TEX26: variants seen among roughly 807,000 people sequenced by gnomAD.
The protein encoded by TEX26 is testis-expressed protein 26.
In TEX26, 34 loss-of-function variants were observed where a neutral mutation model predicts 35.3. The ratio of observed to expected loss-of-function variants is 0.96; its 90% CI spans 0.73 to 1.28. The LOEUF (loss-of-function observed/expected upper bound fraction) is 1.28. TEX26 is among the 50% of genes most tolerant of loss of function. TEX26 has a pLI of 0.00. For synonymous variants in TEX26, 136 were observed against 111.8 expected (o/e 1.22, Z -1.36); for missense variants, 371 against 330.1 (o/e 1.12, Z -0.96).
chr13:30,932,674 G>C lies in TEX26; in HGVS notation c.-42G>C. The C allele has an allele frequency of 6.2e-7, 1 of 1,603,256 alleles. No individual in the cohort carries two copies. The highest frequency in any genetic ancestry group is 8.5e-7 in the Non-Finnish European group (1 of 1,175,514). On this transcript the variant is annotated 5_prime_UTR_variant, in exon 1 of 7. Transcript: ENST00000380473. ...AGCCCGCGGCTCCCGCAAGCGCTGA[G>C]ATAGCTGGAGCCAGGGCCCCGCGGC...
At chr13:30,963,686 A>C (rs563797515) in intron 4 of TEX26, among the ~76,000 whole-genome samples, 43 of 152,322 alleles carry the variant, frequency 2.8e-4, no homozygotes, top group African/African-American at 8.4e-4. Context: ...TATCACTGTG[A>C]TAAGTACTGA....
intron 6 of TEX26, chr13:30,973,335 C>T (rs1031053693): frequency 9.2e-5 from 14 of 152,132 alleles, no homozygotes; most frequent in African/African-American, 3.4e-4. Context: ...GAAAACTTAT[C>T]TTTGATGAAA....
chr13:30,964,500 C>T (rs750539812), intron 4 of TEX26, among the ~76,000 whole-genome samples: 22 of 152,170 alleles, frequency 1.4e-4, no homozygotes, highest in Middle Eastern at 3.2e-3. Flanking sequence ...GAACTGAAAA[C>T]ATTTACTATT....
intron 2 of TEX26, 27 bp from the exon 3 acceptor site, chr13:30,952,633 T>C: frequency 6.4e-7 from 1 of 1,553,790 alleles, no homozygotes. Context: ...AACCTCTAAC[T>C]CTAATTTCTG....
chr13:30,940,044 AAT>A (rs1203302350), intron 2 of TEX26, among the ~76,000 whole-genome samples: 5 of 152,176 alleles, frequency 3.3e-5, no homozygotes, highest in African/African-American at 1.2e-4. Context: ...CAGCAGACCC[AAT>A]ATATAGGTTA....
chr13:30,944,254 C>G (rs1290412899), intron 2 of TEX26, among the ~76,000 whole-genome samples: 1 of 151,816 alleles, frequency 6.6e-6, no homozygotes, highest in East Asian at 1.9e-4. Context: ...TTGAGGTGCT[C>G]ATAGTTGTCT....
At chr13:30,962,377 T>C in intron 4 of TEX26, among the ~76,000 whole-genome samples, 1 of 152,206 alleles carries the variant, frequency 6.6e-6, no homozygotes, top group East Asian at 1.9e-4. Flanking sequence ...AGCCTCCGCA[T>C]ACCTCCATGC....
intron 4 of TEX26, among the ~76,000 whole-genome samples, chr13:30,958,182 G>A (rs1168210423): frequency 6.6e-6 from 1 of 152,170 alleles, no homozygotes; most frequent in Non-Finnish European, 1.5e-5. Context: ...AGGGTAAGTA[G>A]AGATGACATC....
intron 2 of TEX26, among the ~76,000 whole-genome samples, chr13:30,945,117 G>T (rs1451971926): frequency 6.6e-6 from 1 of 151,768 alleles, no homozygotes; most frequent in African/African-American, 2.4e-5. Flanking sequence ...TTATGAATCT[G>T]GGAGCTCCAG....
At chr13:30,958,761 C>T (rs1010320112) in intron 4 of TEX26, among the ~76,000 whole-genome samples, 1 of 152,158 alleles carries the variant, frequency 6.6e-6, no homozygotes, top group African/African-American at 2.4e-5. Context: ...AATCCCACCC[C>T]ACCGGCATGC....
chr13:30,934,920 C>T (rs1344971084), intron 1 of TEX26, among the ~76,000 whole-genome samples: 1 of 152,228 alleles, frequency 6.6e-6, no homozygotes, highest in African/African-American at 2.4e-5. Flanking sequence ...GCCTTTCACT[C>T]CATGAAGCAG....
At chr13:30,969,870 T>A (rs1954658230) in intron 6 of TEX26, among the ~76,000 whole-genome samples, 1 of 152,226 alleles carries the variant, frequency 6.6e-6, no homozygotes, top group African/African-American at 2.4e-5. Context: ...CTAATATTTA[T>A]TCCTGTACCC....
intron 2 of TEX26, among the ~76,000 whole-genome samples, chr13:30,943,386 G>A (rs1255029971): frequency 2.0e-5 from 3 of 151,736 alleles, no homozygotes; most frequent in African/African-American, 7.2e-5. Flanking sequence ...CAAACTCTAG[G>A]TATATGATCA....
intron 5 of TEX26, among the ~76,000 whole-genome samples, chr13:30,967,035 C>T (rs74046409): frequency 0.025 from 3,882 of 152,240 alleles, 154 homozygotes; most frequent in African/African-American, 0.087. Context: ...GGGAAGGATG[C>T]AGTTGCTGTC....
At chr13:30,943,644 C>T (rs118133146) in intron 2 of TEX26, among the ~76,000 whole-genome samples, 4 of 151,752 alleles carry the variant, frequency 2.6e-5, no homozygotes, top group Admixed American at 6.6e-5. Flanking sequence ...ATTCCTTAGA[C>T]GTCTAGTTTG....
chr13:30,938,641 G>A (rs1445760973), intron 1 of TEX26, among the ~76,000 whole-genome samples: 4 of 152,204 alleles, frequency 2.6e-5, no homozygotes, highest in African/African-American at 9.7e-5. Flanking sequence ...TGGGGATTAA[G>A]TTCCCAATAC....
intron 2 of TEX26, among the ~76,000 whole-genome samples, chr13:30,943,208 A>T (rs1303000616): frequency 6.6e-6 from 1 of 151,520 alleles, no homozygotes; most frequent in Non-Finnish European, 1.5e-5. Context: ...GAGATATTTC[A>T]CCTCCTCCTT....
chr13:30,932,988 C>A, intron 1 of TEX26: 2 of 488,218 alleles, frequency 4.1e-6, no homozygotes, highest in Non-Finnish European at 7.2e-6. Flanking sequence ...TTGCCAAATC[C>A]CCGCTCCCTA....
intron 3 of TEX26, among the ~76,000 whole-genome samples, chr13:30,955,295 T>A (rs998566667): frequency 3.3e-5 from 5 of 152,230 alleles, no homozygotes; most frequent in Non-Finnish European, 5.9e-5. Flanking sequence ...ACTTCTAGTT[T>A]AGTGAATTTG....
Sources: allele counts gnomAD v4.1 joint callset (sites outside exome capture counted in the v4.1 genomes callset), GRCh38; gene constraint gnomAD v4.1.1; transcripts MANE v1.5; gene names NCBI Gene and HGNC (gene_info 2026-07-23, HGNC 2026-07-21).